DACH1: variants seen among roughly 807,000 people sequenced by gnomAD.
DACH1 encodes the protein dachshund family transcription factor 1.
DACH1 carries 12 observed loss-of-function variants against 54.2 expected under a neutral mutation model. The observed-to-expected ratio is 0.22, with a 90% CI of 0.14 to 0.36. The LOEUF (loss-of-function observed/expected upper bound fraction) is 0.36. Ranked by LOEUF, DACH1 falls within the 10% of genes least tolerant of loss-of-function variation. The pLI is 1.00. For synonymous variants in DACH1, 386 were observed against 366.2 expected, an observed-to-expected ratio of 1.05 and a Z score of -0.62; for missense variants, 805 against 929.8, an observed-to-expected ratio of 0.87 and a Z score of 1.75.
intron 3 of DACH1, among the ~76,000 whole-genome samples, chr13:71,626,657 G>A (rs1876667390): frequency 6.6e-6 from 1 of 151,992 alleles, no homozygotes; most frequent in Admixed American, 6.6e-5. Context: ...ATAAACAAGA[G>A]ATTGCAAAGA....
chr13:71,587,533 T>C (rs1593941893), intron 3 of DACH1, among the ~76,000 whole-genome samples: 1 of 152,242 alleles, frequency 6.6e-6, no homozygotes, highest in East Asian at 1.9e-4. Context: ...ATACCACATC[T>C]TCAGTGAAAC....
At chr13:71,573,878 T>C (rs1885375954) in intron 3 of DACH1, among the ~76,000 whole-genome samples, 1 of 152,128 alleles carries the variant, frequency 6.6e-6, no homozygotes, top group African/African-American at 2.4e-5. Flanking sequence ...AACCAGATAA[T>C]TAATTACTCC....
intron 2 of DACH1, among the ~76,000 whole-genome samples, chr13:71,644,883 C>G (rs1476307099): frequency 6.6e-6 from 1 of 152,054 alleles, no homozygotes; most frequent in Non-Finnish European, 1.5e-5. Flanking sequence ...AAGGATGGAG[C>G]AGGTTTATAG....
At chr13:71,687,229 T>C (rs957815642) in intron 1 of DACH1, among the ~76,000 whole-genome samples, 7 of 152,118 alleles carry the variant, frequency 4.6e-5, no homozygotes, top group African/African-American at 1.7e-4. Flanking sequence ...ATGTTTATAT[T>C]ATACATTTTA....
intron 6 of DACH1, among the ~76,000 whole-genome samples, chr13:71,541,001 T>C (rs1011379193): frequency 1.3e-5 from 2 of 151,938 alleles, no homozygotes; most frequent in African/African-American, 4.8e-5. Context: ...TTATGTATTG[T>C]TAAATTTAGA....
At chr13:71,449,041 G>A (rs1874745864) in intron 10 of DACH1, among the ~76,000 whole-genome samples, 1 of 152,084 alleles carries the variant, frequency 6.6e-6, no homozygotes, top group Non-Finnish European at 1.5e-5. Flanking sequence ...ACCACAATAA[G>A]AAATAGGTAA....
intron 6 of DACH1, among the ~76,000 whole-genome samples, chr13:71,536,588 G>A (rs568455515): frequency 2.0e-5 from 3 of 152,168 alleles, no homozygotes; most frequent in Admixed American, 1.3e-4. Flanking sequence ...CTACATTTAT[G>A]GAAATTATGT....
intron 10 of DACH1, among the ~76,000 whole-genome samples, chr13:71,471,017 AG>A (rs1390784479): frequency 6.6e-6 from 1 of 152,130 alleles, no homozygotes; most frequent in Non-Finnish European, 1.5e-5. Flanking sequence ...GGGTCTGGGA[AG>A]TGTTCCTTGA....
chr13:71,506,104 C>G (rs1466450406), intron 6 of DACH1, among the ~76,000 whole-genome samples: 1 of 151,456 alleles, frequency 6.6e-6, no homozygotes, highest in African/African-American at 2.4e-5. Context: ...CATTTACATG[C>G]ATTTTCAAAA....
At position 71,785,142 on chromosome 13, in the gene DACH1, G is replaced by A. The variant is rs1024191612; in HGVS notation, c.848+80780C>T. 8.5e-5 allele frequency among the ~76,000 whole-genome samples: 13 copies of A among 152,090 alleles called. No individual in the cohort carries two copies. The East Asian group carries it at 1.9e-3, about 23-fold the overall frequency. On this transcript the variant is annotated intron_variant, in intron 1 of 10. Coordinates refer to ENST00000613252, the MANE Select transcript of DACH1 (RefSeq NM_080759.6). ...ATTCTGAACCACAAAATTAATAAGG[G>A]TCCAATTAGCTCCTGAATTCGCCAG...
intron 1 of DACH1, among the ~76,000 whole-genome samples, chr13:71,713,860 A>G (rs1297955128): frequency 6.6e-6 from 1 of 152,094 alleles, no homozygotes; most frequent in Non-Finnish European, 1.5e-5. Context: ...TTAGACAAAT[A>G]TAATTTCTAA....
chr13:71,859,119 A>G (rs1010899144), intron 1 of DACH1, among the ~76,000 whole-genome samples: 6 of 151,798 alleles, frequency 4.0e-5, no homozygotes, highest in Non-Finnish European at 3.0e-5. Flanking sequence ...ACAACTTCCA[A>G]TCAAGTCACA....
At chr13:71,861,723 A>G (rs1371028972) in intron 1 of DACH1, among the ~76,000 whole-genome samples, 1 of 151,916 alleles carries the variant, frequency 6.6e-6, no homozygotes, top group Non-Finnish European at 1.5e-5. Context: ...GTCTCTCTTC[A>G]TTTGAAGCAA....
chr13:71,785,800 T>C (rs1886567682), intron 1 of DACH1, among the ~76,000 whole-genome samples: 1 of 152,200 alleles, frequency 6.6e-6, no homozygotes, highest in South Asian at 2.1e-4. Flanking sequence ...TCCTAACATG[T>C]TTTTCTCTCT....
chr13:71,554,511 G>A (rs929929881), intron 6 of DACH1, among the ~76,000 whole-genome samples: 46 of 152,158 alleles, frequency 3.0e-4, no homozygotes, highest in African/African-American at 1.1e-3. Context: ...ATGTATATTC[G>A]TGGTCAGAAT....
rs1873809870 is a variant in DACH1 at position 71,439,424 on chromosome 13, A to C, written c.*1231T>G. On this transcript the variant is annotated 3_prime_UTR_variant, in exon 11 of 11. Transcript: ENST00000613252. ...TCCCTCTGACAAGGGTGGGAAGCACAGCACATTTTAACTTTATCACTCAGC... is the reference window on the plus strand; with the variant it reads ...TCCCTCTGACAAGGGTGGGAAGCACCGCACATTTTAACTTTATCACTCAGC... The C allele has an allele frequency of 6.6e-6, 1 of 152,510 alleles. No individual in the cohort carries two copies. Among genetic ancestry groups the C allele is most frequent in the Non-Finnish European group, 1.5e-5 (1 of 67,944 alleles). The allele number at this position is 152,510 out of a possible 1,614,324, so 9.4% of individuals were successfully genotyped here. A position where few individuals can be genotyped will look rare whatever the true frequency, so the allele number is the denominator to read the frequency against.
intron 1 of DACH1, among the ~76,000 whole-genome samples, chr13:71,858,344 G>T (rs1874135217): frequency 6.6e-6 from 1 of 151,516 alleles, no homozygotes; most frequent in Non-Finnish European, 1.5e-5. Context: ...AATACTTCAT[G>T]TTTACCACTC....
At chr13:71,611,145 G>A (rs1383056186) in intron 3 of DACH1, among the ~76,000 whole-genome samples, 2 of 152,024 alleles carry the variant, frequency 1.3e-5, no homozygotes, top group African/African-American at 2.4e-5. Flanking sequence ...TATGATTTAT[G>A]GCATAATTCA....
intron 1 of DACH1, among the ~76,000 whole-genome samples, chr13:71,758,194 A>G (rs927322675): frequency 6.6e-6 from 1 of 152,094 alleles, no homozygotes; most frequent in African/African-American, 2.4e-5. Flanking sequence ...TGTCCAGAGA[A>G]ATTGTCAGGA....
Sources: allele counts gnomAD v4.1 joint callset (sites outside exome capture counted in the v4.1 genomes callset), GRCh38; gene constraint gnomAD v4.1.1; transcripts MANE v1.5; gene names NCBI Gene and HGNC (gene_info 2026-07-23, HGNC 2026-07-21).